The following ADARB2 variants were observed in gnomAD, a reference collection of about 807,000 sequenced individuals.
ADARB2 encodes the protein inactive double-stranded RNA-specific editase B2.
A neutral mutation model predicts 62.2 loss-of-function variants in ADARB2; 25 were observed. The ratio of observed to expected loss-of-function variants is 0.40; its 90% confidence interval spans 0.29 to 0.56. The LOEUF is 0.56. Ranked by LOEUF, ADARB2 falls within the 20% of genes least tolerant of loss-of-function variation. The probability of loss-of-function intolerance (pLI) is 0.43; values close to 1 mark genes in which losing one functional copy is unlikely to be tolerated. For missense variants in ADARB2, 1,071 were observed against 1,077.4 expected (o/e 0.99, Z 0.08); for synonymous variants, 572 against 500.8 (o/e 1.14, Z -1.90).
At chr10:1,430,896 C>T (rs1440805192) in intron 1 of ADARB2, among the ~76,000 whole-genome samples, 2 of 152,150 alleles carry the variant, frequency 1.3e-5, no homozygotes, top group Non-Finnish European at 2.9e-5. Flanking sequence ...TTCCAAACAA[C>T]AAAACATCAA....
At chr10:1,514,476 G>A (rs943387119) in intron 1 of ADARB2, among the ~76,000 whole-genome samples, 4 of 151,854 alleles carry the variant, frequency 2.6e-5, no homozygotes, top group African/African-American at 9.7e-5. Flanking sequence ...CATTATCTGG[G>A]ATGTATTTTC....
At chr10:1,622,216 G>T (rs548901769) in intron 1 of ADARB2, among the ~76,000 whole-genome samples, 1 of 152,216 alleles carries the variant, frequency 6.6e-6, no homozygotes, top group Non-Finnish European at 1.5e-5. Flanking sequence ...CAGACCTAAA[G>T]ACCCTAGCTA....
intron 1 of ADARB2, among the ~76,000 whole-genome samples, chr10:1,475,288 G>A (rs1372108308): frequency 6.6e-6 from 1 of 152,214 alleles, no homozygotes; most frequent in Non-Finnish European, 1.5e-5. Context: ...AAACTTGACC[G>A]CAGGCTGGGT....
chr10:1,479,263 C>T (rs1321148887), intron 1 of ADARB2, among the ~76,000 whole-genome samples: 1 of 152,202 alleles, frequency 6.6e-6, no homozygotes, highest in African/African-American at 2.4e-5. Flanking sequence ...GACCAGAACC[C>T]AGGCAAGGCA....
In ADARB2 at chr10:1,716,803, T is replaced by C. The variant is rs529569487; in HGVS notation, c.100+20248A>G. Among the ~76,000 whole-genome samples the C allele has an allele frequency of 1.1e-3, 166 of 152,350 alleles. 1 individual carries two copies. Among genetic ancestry groups the C allele is most frequent in the African/African-American group, 3.7e-3 (153 of 41,588 alleles). ...TTTAGGATTCTGAGATCTCTGAGTATATATCCCTTATGACTATCAAGGAGC... is the reference window on the plus strand; with the variant it reads ...TTTAGGATTCTGAGATCTCTGAGTACATATCCCTTATGACTATCAAGGAGC... On this transcript the variant is annotated intron_variant, in intron 1 of 9. Transcript: ENST00000381312.
At chr10:1,570,016 G>A (rs569795354) in intron 1 of ADARB2, among the ~76,000 whole-genome samples, 25 of 152,138 alleles carry the variant, frequency 1.6e-4, no homozygotes, top group African/African-American at 5.8e-4. Flanking sequence ...TTTGAAAGTA[G>A]CAGTTTCTCC....
intron 2 of ADARB2, among the ~76,000 whole-genome samples, chr10:1,376,557 C>T (rs934488173): frequency 2.0e-5 from 3 of 152,160 alleles, no homozygotes; most frequent in East Asian, 3.9e-4. Context: ...GGGGTGGGCA[C>T]GTCCCTCTCT....
chr10:1,451,180 C>G (rs2131901736), intron 1 of ADARB2, among the ~76,000 whole-genome samples: 1 of 152,356 alleles, frequency 6.6e-6, no homozygotes, highest in South Asian at 2.1e-4. Flanking sequence ...TCAAAAAACA[C>G]TTTTTCTCAG....
chr10:1,187,830 A>G, intron 8 of ADARB2: 2 of 436,314 alleles, frequency 4.6e-6, no homozygotes, highest in Non-Finnish European at 9.4e-6. Flanking sequence ...CCAGCCTTGC[A>G]TGGGGGCTTC....
chr10:1,553,858 C>T (rs1457951491), intron 1 of ADARB2, among the ~76,000 whole-genome samples: 2 of 152,218 alleles, frequency 1.3e-5, no homozygotes, highest in Non-Finnish European at 2.9e-5. Flanking sequence ...CCCATCGCCC[C>T]AAACACAAAC....
At chr10:1,578,739 G>A (rs1283412547) in intron 1 of ADARB2, among the ~76,000 whole-genome samples, 1 of 53,914 alleles carries the variant, frequency 1.9e-5, no homozygotes, top group East Asian at 5.7e-4. Flanking sequence ...ACACATTCAC[G>A]CCGCACACAG....
intron 2 of ADARB2, among the ~76,000 whole-genome samples, chr10:1,377,550 CAT>C (rs1832445289): frequency 6.6e-6 from 1 of 151,892 alleles, no homozygotes; most frequent in Non-Finnish European, 1.5e-5. Context: ...CACACGTGCA[CAT>C]GTCTGGTGTG....
At chr10:1,732,680 G>A (rs1835248921) in intron 1 of ADARB2, among the ~76,000 whole-genome samples, 2 of 152,236 alleles carry the variant, frequency 1.3e-5, no homozygotes, top group African/African-American at 4.8e-5. Flanking sequence ...GGCTCCGGCC[G>A]GCGGTGCAGG....
At chr10:1,575,647 C>T (rs533672460) in intron 1 of ADARB2, among the ~76,000 whole-genome samples, 3 of 152,206 alleles carry the variant, frequency 2.0e-5, no homozygotes, top group Non-Finnish European at 4.4e-5. Context: ...GCCTCCTCCC[C>T]ACCTGCTCCT....
At chr10:1,501,284 T>C (rs1831765851) in intron 1 of ADARB2, among the ~76,000 whole-genome samples, 1 of 152,130 alleles carries the variant, frequency 6.6e-6, no homozygotes. Context: ...CAGTTTTGAG[T>C]CTCCTGGAAT....
chr10:1,363,416 G>A lies in ADARB2; in HGVS notation c.689C>T (p.Pro230Leu), dbSNP rs1348297816. The A allele has an allele frequency of 7.3e-7, 1 of 1,363,168 alleles. No individual in the cohort carries two copies. Among genetic ancestry groups the A allele is most frequent in the Non-Finnish European group, 9.5e-7 (1 of 1,056,202 alleles). The allele number at this position is 1,363,168 out of a possible 1,614,324, so 84.4% of individuals were successfully genotyped here. ...PDTLFQEFEP[P>L]APRPGLAGGR... ...TCCCGCGAGTCCGGGGCGCGGCGCC[G>A]GGGGCTCGAACTCCTGGAAGAGCGT... is the stretch of plus-strand genomic sequence containing the variant. The change falls in exon 3 of 10, where the codon CCG becomes CTG. Residue 230 changes from proline (P) to leucine (L), a missense_variant. Transcript: ENST00000381312.
At chr10:1,243,664 G>A (rs1230926551) in intron 4 of ADARB2, among the ~76,000 whole-genome samples, 1 of 152,222 alleles carries the variant, frequency 6.6e-6, no homozygotes, top group Non-Finnish European at 1.5e-5. Flanking sequence ...GGCCGGGAGG[G>A]ACCGAGCACT....
At chr10:1,557,674 C>T (rs868623322) in intron 1 of ADARB2, among the ~76,000 whole-genome samples, 2 of 152,074 alleles carry the variant, frequency 1.3e-5, no homozygotes, top group Admixed American at 6.5e-5. Flanking sequence ...GAGACCCAGG[C>T]GGGTGGATCA....
At chr10:1,428,315 C>T (rs1297303181) in intron 1 of ADARB2, among the ~76,000 whole-genome samples, 2 of 147,144 alleles carry the variant, frequency 1.4e-5, no homozygotes, top group East Asian at 4.0e-4. Context: ...TTGACAGAGT[C>T]TTGTTTTGTC....
Sources: gnomAD v4.1 joint callset for allele counts (sites outside exome capture counted in the v4.1 genomes callset) on GRCh38, gnomAD v4.1.1 for gene constraint, MANE v1.5 for transcripts, NCBI Gene and HGNC (gene_info 2026-07-23, HGNC 2026-07-21) for gene names.